The following GALNT13 variants were observed in gnomAD, a reference collection of about 807,000 sequenced individuals.
GALNT13 encodes polypeptide N-acetylgalactosaminyltransferase 13, also known as UDP-GalNAc:polypeptide N-acetylgalactosaminyltransferase 13.
Under a neutral mutation model 64.2 loss-of-function variants are expected in GALNT13, and 28 were observed. That is an observed-to-expected ratio of 0.44 (90% CI 0.32 to 0.60). The LOEUF is 0.60. Among genes scored for constraint, GALNT13 ranks in the 20% least tolerant of loss-of-function variants. The probability of loss-of-function intolerance (pLI) is 0.05; values close to 1 mark genes in which losing one functional copy is unlikely to be tolerated. For missense variants in GALNT13, 577 were observed against 669.8 expected (o/e 0.86, Z 1.53); for synonymous variants, 214 against 224.6 (o/e 0.95, Z 0.42).
intron 3 of GALNT13, among the ~76,000 whole-genome samples, chr2:154,047,999 GAA>G (rs1194593438): frequency 6.6e-6 from 1 of 152,164 alleles, no homozygotes; most frequent in African/African-American, 2.4e-5. Context: ...AATTTATAAA[GAA>G]AAGAGGTTTA....
chr2:154,197,267 TA>T, intron 4 of GALNT13, among the ~76,000 whole-genome samples: 1 of 152,234 alleles, frequency 6.6e-6, no homozygotes, highest in South Asian at 2.1e-4. Context: ...ACATTTTCTT[TA>T]AGCCAAAAAC....
chr2:153,845,908 G>T, the GALNT13 span, among the ~76,000 whole-genome samples: 91 of 152,218 alleles, frequency 6.0e-4, no homozygotes, highest in African/African-American at 1.9e-3. Context: ...AGCAAAGCTG[G>T]TTTCTCAACA....
At chr2:153,258,886 A>T in the GALNT13 span, among the ~76,000 whole-genome samples, 2 of 152,304 alleles carry the variant, frequency 1.3e-5, no homozygotes, top group African/African-American at 4.8e-5. Flanking sequence ...TATCCTTGAG[A>T]ATAATGCATG....
the GALNT13 span, among the ~76,000 whole-genome samples, chr2:153,702,428 A>G: frequency 2.0e-5 from 3 of 152,184 alleles, no homozygotes; most frequent in African/African-American, 7.2e-5. Context: ...CCTGTGTAAC[A>G]AACCTGCACA....
At chr2:153,539,748 C>T in the GALNT13 span, among the ~76,000 whole-genome samples, 1 of 151,102 alleles carries the variant, frequency 6.6e-6, no homozygotes, top group African/African-American at 2.4e-5. Flanking sequence ...TTCCATTGAT[C>T]TGTATCTCTG....
At chr2:153,082,819 A>G in the GALNT13 span, among the ~76,000 whole-genome samples, 1 of 146,748 alleles carries the variant, frequency 6.8e-6, no homozygotes, top group Non-Finnish European at 1.5e-5. Flanking sequence ...TAAATAAAAT[A>G]TATTTTATTT....
At chr2:153,705,858 G>A in the GALNT13 span, among the ~76,000 whole-genome samples, 1 of 152,080 alleles carries the variant, frequency 6.6e-6, no homozygotes, top group Non-Finnish European at 1.5e-5. Flanking sequence ...CCATATGCAG[G>A]TAACAATAGC....
intron 3 of GALNT13, among the ~76,000 whole-genome samples, chr2:153,987,232 C>T (rs1028868943): frequency 8.6e-5 from 13 of 151,940 alleles, no homozygotes; most frequent in South Asian, 6.2e-4. Context: ...TAAATAAAAT[C>T]GGGCAAGTCT....
chr2:153,896,933 A>G (rs771438791), intron 1 of GALNT13, among the ~76,000 whole-genome samples: 1 of 152,208 alleles, frequency 6.6e-6, no homozygotes, highest in Non-Finnish European at 1.5e-5. Context: ...ATTTATAAGA[A>G]TTGTGTTTAA....
In GALNT13 at chr2:154,259,201, G is replaced by GT. The variant is rs1299523050; in HGVS notation, c.975+64dup. On this transcript the variant is annotated intron_variant, in intron 8 of 12. Transcript: ENST00000392825. ...ACAATGCTGTAGCATGCACATACCAGTCCCAGTAATTTACTGTCAAATCAT... is the reference window on the plus strand; with the variant it reads ...ACAATGCTGTAGCATGCACATACCAGTTCCCAGTAATTTACTGTCAAATCAT... 8 of 867,036 alleles carry GT rather than the reference G, an allele frequency of 9.2e-6. No individual in the cohort carries two copies. The East Asian group carries it at 1.8e-4, about 20-fold the overall frequency. 53.7% of individuals were successfully genotyped at this position (867,036 alleles called of 1,614,324 possible). A position where few individuals can be genotyped will look rare whatever the true frequency, so the allele number is the denominator to read the frequency against.
chr2:153,787,902 A>G, the GALNT13 span, among the ~76,000 whole-genome samples: 21 of 152,330 alleles, frequency 1.4e-4, no homozygotes, highest in African/African-American at 4.6e-4. Context: ...AAAGAACAGA[A>G]GGGAACAAGC....
chr2:154,435,407 A>G (rs1328744646), intron 11 of GALNT13, among the ~76,000 whole-genome samples: 1 of 152,196 alleles, frequency 6.6e-6, no homozygotes, highest in Non-Finnish European at 1.5e-5. Flanking sequence ...TGGGCCTTAC[A>G]CATACTAACT....
chr2:153,423,369 GA>G, the GALNT13 span: 21 of 151,696 alleles, frequency 1.4e-4, no homozygotes, highest in South Asian at 4.1e-3. Context: ...TATTTAATAT[GA>G]AAAAAAGTTA....
the GALNT13 span, among the ~76,000 whole-genome samples, chr2:153,486,071 G>A: frequency 6.6e-6 from 1 of 152,056 alleles, no homozygotes; most frequent in African/African-American, 2.4e-5. Flanking sequence ...CCGAGTAGCT[G>A]GGATTACAGG....
intron 6 of GALNT13, 31 bp from the exon 7 acceptor site, chr2:154,245,781 T>C (rs764126082): frequency 7.1e-7 from 1 of 1,400,634 alleles, no homozygotes; most frequent in East Asian, 2.3e-5. Flanking sequence ...AATTATCATG[T>C]GTCTATAAAT....
At chr2:153,557,974 G>C in the GALNT13 span, among the ~76,000 whole-genome samples, 1 of 152,062 alleles carries the variant, frequency 6.6e-6, no homozygotes, top group Admixed American at 6.6e-5. Flanking sequence ...AGCCTTTCTT[G>C]ACCCTGCCAG....
At chr2:153,072,866 T>C in the GALNT13 span, among the ~76,000 whole-genome samples, 1 of 152,218 alleles carries the variant, frequency 6.6e-6, no homozygotes, top group East Asian at 1.9e-4. Context: ...TTTTCCTTTT[T>C]TATTCTTTGT....
At chr2:153,122,962 A>T in the GALNT13 span, among the ~76,000 whole-genome samples, 4 of 152,100 alleles carry the variant, frequency 2.6e-5, no homozygotes, top group Middle Eastern at 3.2e-3. Context: ...GTGTTCTTCT[A>T]AGATGAGGGA....
chr2:154,415,317 C>T (rs1018039714), intron 11 of GALNT13, among the ~76,000 whole-genome samples: 1 of 151,972 alleles, frequency 6.6e-6, no homozygotes, highest in Non-Finnish European at 1.5e-5. Flanking sequence ...AAAATAGCCC[C>T]ATACACATTG....
Sources: gnomAD v4.1 joint callset for allele counts (sites outside exome capture counted in the v4.1 genomes callset) on GRCh38, gnomAD v4.1.1 for gene constraint, MANE v1.5 for transcripts, NCBI Gene and HGNC (gene_info 2026-07-23, HGNC 2026-07-21) for gene names.